The following ARID5B variants were observed in gnomAD, a reference collection of about 807,000 sequenced individuals.
ARID5B encodes the protein AT-rich interaction domain 5B.
Under a neutral mutation model 97.2 loss-of-function variants are expected in ARID5B, and 13 were observed. That is an observed-to-expected ratio of 0.13 (90% CI 0.09 to 0.21). The LOEUF is 0.21. ARID5B is among the 10% of genes least tolerant of loss of function. The probability of loss-of-function intolerance (pLI) is 1.00; values close to 1 mark genes in which losing one functional copy is unlikely to be tolerated. For synonymous variants in ARID5B, 556 were observed against 570.3 expected (o/e 0.97, Z 0.36); for missense variants, 1,210 against 1,465.3 (o/e 0.83, Z 2.84).
intron 2 of ARID5B, among the ~76,000 whole-genome samples, chr10:61,909,343 T>TTTTTTTA (rs869194101): frequency 6.9e-6 from 1 of 144,300 alleles, no homozygotes; most frequent in Admixed American, 6.8e-5. Flanking sequence ...TTTTTTTTTT[T>TTTTTTTA]GAGACGGAGT....
chr10:62,068,343 A>C (rs1048002465), intron 7 of ARID5B, among the ~76,000 whole-genome samples: 10 of 152,158 alleles, frequency 6.6e-5, no homozygotes, highest in Non-Finnish European at 4.4e-5. Context: ...TTCATGGGAA[A>C]TTGAATGATG....
intron 2 of ARID5B, among the ~76,000 whole-genome samples, chr10:61,938,954 G>A (rs1221214164): frequency 7.5e-6 from 1 of 132,902 alleles, no homozygotes; most frequent in Non-Finnish European, 1.6e-5. Flanking sequence ...TTTTTTGTTC[G>A]AATTGGAGAA....
intron 4 of ARID5B, among the ~76,000 whole-genome samples, chr10:62,042,358 G>A (rs554012527): frequency 1.3e-5 from 2 of 152,316 alleles, no homozygotes; most frequent in South Asian, 4.1e-4. Flanking sequence ...CCTGGCATCT[G>A]GAGAGATGAA....
At chr10:61,976,761 ACT>A (rs1461116893) in intron 3 of ARID5B, among the ~76,000 whole-genome samples, 1 of 151,852 alleles carries the variant, frequency 6.6e-6, no homozygotes, top group Non-Finnish European at 1.5e-5. Flanking sequence ...AGAATAAGTG[ACT>A]CTCTGCCACA....
chr10:62,024,414 T>G (rs1839394543), intron 4 of ARID5B, among the ~76,000 whole-genome samples: 1 of 152,188 alleles, frequency 6.6e-6, no homozygotes. Flanking sequence ...CAACCACTCC[T>G]TTTTCTTTGA....
Position 62,045,179 on chromosome 10 carries a change from A to G in ARID5B, c.734-5709A>G, listed in dbSNP as rs7919616. Among the ~76,000 whole-genome samples the G allele has an allele frequency of 5.8e-3, 888 of 152,324 alleles. 5 individuals carry two copies. Among genetic ancestry groups the G allele is most frequent in the African/African-American group, 0.02 (840 of 41,570 alleles). On this transcript the variant is annotated intron_variant, in intron 4 of 9. Coordinates refer to ENST00000279873, the MANE Select transcript of ARID5B (RefSeq NM_032199.3). ...GAAAACTGAAATTCTGTAAGAGATTATCTGTGAAATGCCTTTCTTTCATTA... is the reference window on the plus strand; with the variant it reads ...GAAAACTGAAATTCTGTAAGAGATTGTCTGTGAAATGCCTTTCTTTCATTA...
chr10:61,926,888 T>C (rs1844116001), intron 2 of ARID5B, among the ~76,000 whole-genome samples: 1 of 152,108 alleles, frequency 6.6e-6, no homozygotes. Flanking sequence ...CCTCCCAAAG[T>C]GCTGGGATTA....
chr10:62,013,923 G>T (rs934515004), intron 4 of ARID5B, among the ~76,000 whole-genome samples: 4 of 151,796 alleles, frequency 2.6e-5, no homozygotes, highest in Admixed American at 2.6e-4. Context: ...ATGTAATGAT[G>T]AAATAGGGTA....
At chr10:61,989,401 G>GA (rs1407504555) in intron 3 of ARID5B, among the ~76,000 whole-genome samples, 3 of 151,742 alleles carry the variant, frequency 2.0e-5, no homozygotes, top group African/African-American at 4.8e-5. Flanking sequence ...AAAGATTTTT[G>GA]AAAAAAATAA....
At chr10:62,029,731 C>CAAAAT (rs1269097557) in intron 4 of ARID5B, among the ~76,000 whole-genome samples, 3 of 152,192 alleles carry the variant, frequency 2.0e-5, no homozygotes, top group Non-Finnish European at 4.4e-5. Context: ...AGGGAGATCA[C>CAAAAT]CTCGTAACAA....
At chr10:61,955,286 A>G (rs1420535361) in intron 3 of ARID5B, among the ~76,000 whole-genome samples, 3 of 152,204 alleles carry the variant, frequency 2.0e-5, no homozygotes, top group Non-Finnish European at 1.5e-5. Flanking sequence ...CAGAAAGGGA[A>G]AAAACAGGCA....
rs577704714 is a variant in ARID5B at position 61,922,300 on chromosome 10, A to T, written c.277-17883A>T. Among the ~76,000 whole-genome samples, 259 of 152,346 alleles carry T rather than the reference A, an allele frequency of 1.7e-3. 1 individual carries two copies. The highest frequency in any genetic ancestry group is 5.9e-3 in the African/African-American group (244 of 41,582). ...CTGATATAAACAGGCTCCTTAATGC[A>T]TAAGAAAATAGGCATGTTTGGGCCG... is the stretch of plus-strand genomic sequence containing the variant. On this transcript the variant is annotated intron_variant, in intron 2 of 9. Transcript: ENST00000279873.
chr10:61,953,662 C>G (rs1838353744), intron 3 of ARID5B, among the ~76,000 whole-genome samples: 1 of 152,126 alleles, frequency 6.6e-6, no homozygotes, highest in South Asian at 2.1e-4. Flanking sequence ...AGTCCTTGCT[C>G]CATAAACTGT....
chr10:61,950,485 A>C (rs974861921), intron 3 of ARID5B, among the ~76,000 whole-genome samples: 2 of 152,214 alleles, frequency 1.3e-5, no homozygotes, highest in African/African-American at 4.8e-5. Context: ...CCTGGGCAAC[A>C]TAGTGAGACC....
intron 3 of ARID5B, among the ~76,000 whole-genome samples, chr10:61,982,121 G>A (rs1838785150): frequency 6.6e-6 from 1 of 152,184 alleles, no homozygotes; most frequent in South Asian, 2.1e-4. Flanking sequence ...GGAGACTTGG[G>A]GTTAGATTAG....
At chr10:61,909,115 C>G (rs1239795987) in intron 2 of ARID5B, among the ~76,000 whole-genome samples, 1 of 152,172 alleles carries the variant, frequency 6.6e-6, no homozygotes. Context: ...ACAAAAATCA[C>G]TGCTCCCAGG....
intron 3 of ARID5B, among the ~76,000 whole-genome samples, chr10:61,967,907 C>T (rs566467280): frequency 3.9e-5 from 6 of 152,150 alleles, no homozygotes; most frequent in African/African-American, 1.2e-4. Context: ...AAATGCTTGT[C>T]GCATTCTTGT....
At chr10:62,023,441 C>G (rs1174056721) in intron 4 of ARID5B, among the ~76,000 whole-genome samples, 1 of 152,162 alleles carries the variant, frequency 6.6e-6, no homozygotes, top group Non-Finnish European at 1.5e-5. Flanking sequence ...ACCAACTGAA[C>G]CAAATCCTAT....
intron 6 of ARID5B, among the ~76,000 whole-genome samples, chr10:62,058,755 C>T (rs1367530914): frequency 6.6e-6 from 1 of 152,124 alleles, no homozygotes; most frequent in East Asian, 1.9e-4. Context: ...CTGTATGAAC[C>T]TTTAATATAG....
Sources: allele counts gnomAD v4.1 joint callset (sites outside exome capture counted in the v4.1 genomes callset), GRCh38; gene constraint gnomAD v4.1.1; transcripts MANE v1.5; gene names NCBI Gene and HGNC (gene_info 2026-07-23, HGNC 2026-07-21).